CDH13: variants seen among roughly 807,000 people sequenced by gnomAD.
CDH13 encodes cadherin 13, also known as cadherin-13.
A neutral mutation model predicts 63.8 loss-of-function variants in CDH13; 24 were observed. The observed-to-expected ratio is 0.38, with a 90% CI of 0.27 to 0.53. The LOEUF is 0.53. Ranked by LOEUF, CDH13 falls within the 20% of genes least tolerant of loss-of-function variation. CDH13 has a pLI of 0.85. For synonymous variants in CDH13, 503 were observed against 355.3 expected, an observed-to-expected ratio of 1.42 and a Z score of -4.67; for missense variants, 1,049 against 903.1, an observed-to-expected ratio of 1.16 and a Z score of -2.07.
chr16:83,600,757 G>A (rs1907711048), intron 7 of CDH13, among the ~76,000 whole-genome samples: 2 of 152,186 alleles, frequency 1.3e-5, no homozygotes, highest in African/African-American at 4.8e-5. Flanking sequence ...TCCAACGTGA[G>A]TTAAGCAAAT....
intron 11 of CDH13, among the ~76,000 whole-genome samples, chr16:83,750,398 G>A (rs147589690): frequency 6.6e-5 from 10 of 152,280 alleles, no homozygotes; most frequent in African/African-American, 2.2e-4. Flanking sequence ...TCTGCCCAGT[G>A]GTTCTTCAGG....
At chr16:83,603,375 A>G (rs139038992) in intron 8 of CDH13, among the ~76,000 whole-genome samples, 138 of 152,278 alleles carry the variant, frequency 9.1e-4, no homozygotes, top group Non-Finnish European at 1.6e-3. Flanking sequence ...TGTATCTACC[A>G]TGGTGTCTCC....
intron 2 of CDH13, among the ~76,000 whole-genome samples, chr16:82,896,770 CTTTTTTTTTT>C (rs71382855): frequency 2.5e-4 from 14 of 55,518 alleles, no homozygotes; most frequent in Non-Finnish European, 3.6e-4. Flanking sequence ...CTGTGCAATT[CTTTTTTTTTT>C]TTTTTTTTTT....
chr16:83,540,888 C>T (rs915680204), intron 7 of CDH13, among the ~76,000 whole-genome samples: 1 of 152,184 alleles, frequency 6.6e-6, no homozygotes, highest in African/African-American at 2.4e-5. Flanking sequence ...CCTCAGCCTC[C>T]CAAAGTGCTG....
rs370405591 is a variant in CDH13, at chr16:82,646,683, G to A, written c.45+19546G>A. The stretch of plus-strand genomic sequence containing the variant: ...CATTCAAACCTATGAGGTGCATCTT[G>A]TCATCATCCCCATCTACAGATGAGA... On this transcript the variant is annotated intron_variant, in intron 1 of 13. Transcript: ENST00000567109. Among the ~76,000 whole-genome samples, 9 of 152,260 alleles carry A rather than the reference G, an allele frequency of 5.9e-5. No homozygotes were observed. The East Asian group carries it at 1.4e-3, about 23-fold the overall frequency.
chr16:83,266,137 C>T (rs1597621886), intron 5 of CDH13, among the ~76,000 whole-genome samples: 2 of 151,906 alleles, frequency 1.3e-5, no homozygotes, highest in African/African-American at 4.8e-5. Context: ...GGGTTTTTAC[C>T]ACATTGGCCA....
chr16:83,460,312 A>G (rs2073141994), intron 6 of CDH13, among the ~76,000 whole-genome samples: 2 of 152,244 alleles, frequency 1.3e-5, no homozygotes, highest in African/African-American at 4.8e-5. Context: ...AATTTGTACA[A>G]CAACTTTGAA....
At chr16:83,418,798 C>G (rs189927144) in intron 6 of CDH13, among the ~76,000 whole-genome samples, 33 of 152,214 alleles carry the variant, frequency 2.2e-4, no homozygotes, top group African/African-American at 7.2e-4. Context: ...AGGAGAAGAC[C>G]TAGAGTTCAA....
At chr16:82,856,997 G>A (rs1292622027) in intron 1 of CDH13, among the ~76,000 whole-genome samples, 1 of 152,110 alleles carries the variant, frequency 6.6e-6, no homozygotes, top group Non-Finnish European at 1.5e-5. Flanking sequence ...CTCTCTTCTG[G>A]CACTATGCTC....
chr16:83,172,229 G>A (rs2037950550), intron 4 of CDH13, among the ~76,000 whole-genome samples: 1 of 152,132 alleles, frequency 6.6e-6, no homozygotes, highest in Non-Finnish European at 1.5e-5. Context: ...GGTGGCTCAT[G>A]CCTGTAATCC....
chr16:83,521,434 G>A (rs1249672350), intron 7 of CDH13, among the ~76,000 whole-genome samples: 1 of 152,098 alleles, frequency 6.6e-6, no homozygotes, highest in Non-Finnish European at 1.5e-5. Flanking sequence ...ACCTTTAGCA[G>A]GTTCCTTAAT....
At chr16:83,113,034 C>T (rs17279864) in intron 3 of CDH13, among the ~76,000 whole-genome samples, 21,427 of 152,130 alleles carry the variant, frequency 0.14, 1,921 homozygotes, top group Admixed American at 0.2. Flanking sequence ...AAGCAGGGAG[C>T]GTGAGCCAAC....
chr16:82,901,553 A>G (rs1437722699), intron 2 of CDH13, among the ~76,000 whole-genome samples: 1 of 152,110 alleles, frequency 6.6e-6, no homozygotes, highest in South Asian at 2.1e-4. Context: ...TACCCTCTGC[A>G]CTCTAGGTTC....
intron 8 of CDH13, among the ~76,000 whole-genome samples, chr16:83,610,150 C>G (rs1391028441): frequency 6.6e-6 from 1 of 151,988 alleles, no homozygotes; most frequent in Non-Finnish European, 1.5e-5. Flanking sequence ...CAGTTTTTGG[C>G]TATTGTGAGT....
intron 2 of CDH13, among the ~76,000 whole-genome samples, chr16:82,980,811 A>T (rs1478456929): frequency 6.6e-6 from 1 of 152,186 alleles, no homozygotes. Context: ...TCAAGAAAAT[A>T]TCTGTTTGTT....
intron 6 of CDH13, among the ~76,000 whole-genome samples, chr16:83,451,561 C>G (rs555668337): frequency 1.5e-4 from 23 of 152,288 alleles, no homozygotes; most frequent in Admixed American, 6.5e-4. Context: ...CCGCTGTCAT[C>G]CAGGCTGGAG....
intron 6 of CDH13, among the ~76,000 whole-genome samples, chr16:83,359,490 A>G (rs895174422): frequency 5.9e-4 from 89 of 152,086 alleles, no homozygotes; most frequent in Non-Finnish European, 1.1e-3. Flanking sequence ...CAGGAGTTGG[A>G]AAGACTCTAG....
intron 6 of CDH13, among the ~76,000 whole-genome samples, chr16:83,369,815 G>A (rs2091329927): frequency 6.6e-6 from 1 of 152,092 alleles, no homozygotes; most frequent in South Asian, 2.1e-4. Flanking sequence ...CCTTTCTCTA[G>A]AAACGGCCAT....
chr16:82,868,634 A>G (rs2040237040), intron 2 of CDH13, among the ~76,000 whole-genome samples: 1 of 152,222 alleles, frequency 6.6e-6, no homozygotes, highest in South Asian at 2.1e-4. Flanking sequence ...AAGTTTTCTT[A>G]TCAGTAGAAT....
Sources: allele counts gnomAD v4.1 joint callset (sites outside exome capture counted in the v4.1 genomes callset), GRCh38; gene constraint gnomAD v4.1.1; transcripts MANE v1.5; gene names NCBI Gene and HGNC (gene_info 2026-07-23, HGNC 2026-07-21).